Variants in ACTR3C observed in about 807,000 individuals in gnomAD.
ACTR3C encodes the protein actin-related protein 3C.
A neutral mutation model predicts 26.3 loss-of-function variants in ACTR3C; 18 were observed. The ratio of observed to expected loss-of-function variants is 0.68; its 90% CI spans 0.47 to 1.01. The LOEUF (loss-of-function observed/expected upper bound fraction) is 1.01, where lower values mean the gene tolerates loss of function less well. Ranked by LOEUF, ACTR3C falls within the 50% of genes least tolerant of loss-of-function variation. The pLI is 0.00. For synonymous variants in ACTR3C, 55 were observed against 94.5 expected, an observed-to-expected ratio of 0.58 and a Z score of 2.42; for missense variants, 184 against 250.7, an observed-to-expected ratio of 0.73 and a Z score of 1.80.
At chr7:150,190,343 C>A in the ACTR3C span, among the ~76,000 whole-genome samples, 1 of 152,124 alleles carries the variant, frequency 6.6e-6, no homozygotes, top group East Asian at 1.9e-4. Flanking sequence ...TCTTTACCAG[C>A]CTGTGGCTGT....
chr7:149,938,416 G>C, the ACTR3C span, among the ~76,000 whole-genome samples: 1 of 140,824 alleles, frequency 7.1e-6, no homozygotes, highest in Non-Finnish European at 1.5e-5. Context: ...ATATAGTAAT[G>C]TTTTGCATTC....
At chr7:149,897,316 C>G in the ACTR3C span, among the ~76,000 whole-genome samples, 2 of 152,154 alleles carry the variant, frequency 1.3e-5, no homozygotes. Flanking sequence ...AAAAGCTAAT[C>G]TTTGGTTTGT....
chr7:150,309,323 C>T (rs73472378), intron 1 of ACTR3C, among the ~76,000 whole-genome samples: 6,181 of 152,254 alleles, frequency 0.041, 417 homozygotes, highest in African/African-American at 0.14. Context: ...CCTAGACCCT[C>T]GAGGGCCAGA....
At chr7:150,239,567 AT>A (rs1832069196), downstream of ACTR3C, among the ~76,000 whole-genome samples, 1 of 119,442 alleles carries the variant, frequency 8.4e-6, no homozygotes, top group East Asian at 2.3e-4. Context: ...TATATAATTT[AT>A]TATAGTTTGA....
chr7:150,098,470 G>A, the ACTR3C span, among the ~76,000 whole-genome samples: 5 of 152,018 alleles, frequency 3.3e-5, no homozygotes, highest in East Asian at 3.9e-4. Context: ...ATGACATGAA[G>A]AGACTGAAAG....
At chr7:150,064,833 C>G in the ACTR3C span, among the ~76,000 whole-genome samples, 1 of 152,072 alleles carries the variant, frequency 6.6e-6, no homozygotes, top group East Asian at 1.9e-4. Flanking sequence ...GAGAGTTGCT[C>G]TCCTATTTTC....
chr7:150,031,030 G>A, the ACTR3C span, among the ~76,000 whole-genome samples: 1 of 152,064 alleles, frequency 6.6e-6, no homozygotes, highest in Non-Finnish European at 1.5e-5. Context: ...GCCAAGGCAG[G>A]CAGATCACCT....
chr7:150,240,901 G>A (rs76261648), downstream of ACTR3C, among the ~76,000 whole-genome samples: 12,019 of 152,014 alleles, frequency 0.079, 901 homozygotes, highest in African/African-American at 0.2. Context: ...TTATCTATAC[G>A]CTAGCAATGA....
the ACTR3C span, among the ~76,000 whole-genome samples, chr7:150,015,186 C>G: frequency 6.6e-6 from 1 of 152,136 alleles, no homozygotes; most frequent in South Asian, 2.1e-4. Flanking sequence ...CTGGCTCCAA[C>G]CCTTGAGCAC....
downstream of ACTR3C, among the ~76,000 whole-genome samples, chr7:150,243,536 G>A (rs527771754): frequency 1.1e-4 from 17 of 152,108 alleles, 1 homozygote; most frequent in South Asian, 3.1e-3. Flanking sequence ...AAAACTTTGT[G>A]TATATACCAT....
At chr7:149,996,868 C>T in the ACTR3C span, among the ~76,000 whole-genome samples, 1 of 151,292 alleles carries the variant, frequency 6.6e-6, no homozygotes, top group African/African-American at 2.4e-5. Context: ...TCAATCTTGG[C>T]AAGTCTCCTT....
chr7:149,888,332 G>C, the ACTR3C span, among the ~76,000 whole-genome samples: 1 of 152,292 alleles, frequency 6.6e-6, no homozygotes, highest in Non-Finnish European at 1.5e-5. Flanking sequence ...GAGTCAAAGA[G>C]CTTTTAATAT....
the ACTR3C span, among the ~76,000 whole-genome samples, chr7:150,027,946 G>A: frequency 6.6e-6 from 1 of 151,670 alleles, no homozygotes; most frequent in South Asian, 2.1e-4. Flanking sequence ...AGTCACTAGA[G>A]CATGCTTGTA....
At chr7:149,972,568 C>A in the ACTR3C span, among the ~76,000 whole-genome samples, 2 of 152,138 alleles carry the variant, frequency 1.3e-5, no homozygotes, top group African/African-American at 2.4e-5. Flanking sequence ...CTCATGCTCT[C>A]ACCCTCCTCC....
At chr7:150,070,860 T>C in the ACTR3C span, among the ~76,000 whole-genome samples, 1 of 150,952 alleles carries the variant, frequency 6.6e-6, no homozygotes, top group Non-Finnish European at 1.5e-5. Flanking sequence ...AGTGGCGTGA[T>C]CTCAGCTCAC....
chr7:150,181,354 G>GA, the ACTR3C span, among the ~76,000 whole-genome samples: 1 of 149,132 alleles, frequency 6.7e-6, no homozygotes, highest in African/African-American at 2.5e-5. Flanking sequence ...ACTGAAGATA[G>GA]GAAAAAAAAA....
chr7:150,035,854 G>A, the ACTR3C span, among the ~76,000 whole-genome samples: 72 of 134,254 alleles, frequency 5.4e-4, 7 homozygotes, highest in African/African-American at 1.9e-3. Flanking sequence ...CCCCCCCTGC[G>A]ATGGGGGTAC....
the ACTR3C span, among the ~76,000 whole-genome samples, chr7:150,193,455 C>G: frequency 9.1e-6 from 1 of 109,906 alleles, no homozygotes; most frequent in Non-Finnish European, 1.9e-5. Context: ...TTCTTTCCTT[C>G]TGCTTGCCTT....
chr7:150,013,609 T>A, the ACTR3C span, among the ~76,000 whole-genome samples: 1 of 152,252 alleles, frequency 6.6e-6, no homozygotes, highest in Non-Finnish European at 1.5e-5. Context: ...CATAGGAAGA[T>A]GCCTTGGGCA....
Sources: allele counts gnomAD v4.1 joint callset (sites outside exome capture counted in the v4.1 genomes callset), GRCh38; gene constraint gnomAD v4.1.1; transcripts MANE v1.5; gene names NCBI Gene and HGNC (gene_info 2026-07-23, HGNC 2026-07-21).